CHL1: variants seen among roughly 807,000 people sequenced by gnomAD.
The protein encoded by CHL1 is neural cell adhesion molecule L1-like protein.
A neutral mutation model predicts 141.9 loss-of-function variants in CHL1; 96 were observed. The ratio of observed to expected loss-of-function variants is 0.68; its 90% CI spans 0.57 to 0.80. CHL1 has a LOEUF of 0.80. Ranked by LOEUF, CHL1 falls within the 30% of genes least tolerant of loss-of-function variation. CHL1 has a pLI of 0.00. For missense variants in CHL1, 1,820 were observed against 1,457.2 expected (o/e 1.25, Z -4.05); for synonymous variants, 613 against 502.2 (o/e 1.22, Z -2.95).
chr3:339,767 C>A (rs1033094059), intron 5 of CHL1, among the ~76,000 whole-genome samples: 2 of 152,148 alleles, frequency 1.3e-5, no homozygotes, highest in Non-Finnish European at 2.9e-5. Context: ...CACAAAGCTT[C>A]TCAAGAAGAA....
chr3:249,141 A>G (rs2125129997), intron 2 of CHL1, among the ~76,000 whole-genome samples: 1 of 152,334 alleles, frequency 6.6e-6, no homozygotes, highest in Admixed American at 6.5e-5. Flanking sequence ...CAGATATTTG[A>G]GGTCTTGGAA....
chr3:376,466 G>A (rs1706339315), intron 15 of CHL1: 2 of 505,456 alleles, frequency 4.0e-6, no homozygotes, highest in South Asian at 1.5e-5. Context: ...GACTAGTGAG[G>A]CACCCAACGT....
intron 1 of CHL1, chr3:213,175 A>C (rs1319407059): frequency 6.6e-6 from 1 of 152,202 alleles, no homozygotes; most frequent in Non-Finnish European, 1.5e-5. Context: ...TTCTATTAAC[A>C]CCTACTTGAG....
rs569651302 is a variant in CHL1 at position 337,894 on chromosome 3, G to A, written c.386-2900G>A. On this transcript the variant is annotated intron_variant, in intron 5 of 27. Transcript: ENST00000256509. ...ATCCTTTGGGTATATACCCAGTAAT[G>A]GGATGGCTGGGTCAAATGGTATTTC... Among the ~76,000 whole-genome samples, 8 of 152,304 alleles carry A rather than the reference G, an allele frequency of 5.3e-5. No homozygotes were observed. In the South Asian group the frequency reaches 6.2e-4, roughly 12 times the overall value.
intron 1 of CHL1, among the ~76,000 whole-genome samples, chr3:242,462 G>A (rs1692724168): frequency 6.9e-6 from 1 of 145,766 alleles, no homozygotes; most frequent in Non-Finnish European, 1.5e-5. Flanking sequence ...CCGGCGTGGT[G>A]GTGGGCGCCT....
intron 1 of CHL1, among the ~76,000 whole-genome samples, chr3:219,804 A>G (rs562457270): frequency 6.6e-6 from 1 of 152,342 alleles, no homozygotes; most frequent in Non-Finnish European, 1.5e-5. Flanking sequence ...TTACCTGTGT[A>G]ACAAACTGGC....
At chr3:281,455 G>C (rs2125296875) in intron 2 of CHL1, among the ~76,000 whole-genome samples, 1 of 152,080 alleles carries the variant, frequency 6.6e-6, no homozygotes, top group East Asian at 1.9e-4. Context: ...GACTACCAGA[G>C]CCCAGAAATC....
At chr3:323,938 A>T (rs917468251) in intron 3 of CHL1, among the ~76,000 whole-genome samples, 18 of 152,118 alleles carry the variant, frequency 1.2e-4, no homozygotes, top group African/African-American at 4.1e-4. Context: ...ATAATATTTA[A>T]AGGTTTTCAT....
At chr3:338,975 G>T (rs763398864) in intron 5 of CHL1, among the ~76,000 whole-genome samples, 4 of 152,120 alleles carry the variant, frequency 2.6e-5, no homozygotes, top group African/African-American at 9.7e-5. Flanking sequence ...CTTTACAATA[G>T]ATATTATCCA....
chr3:311,827 AG>A, intron 2 of CHL1, among the ~76,000 whole-genome samples: 1 of 152,232 alleles, frequency 6.6e-6, no homozygotes, highest in Middle Eastern at 3.2e-3. Flanking sequence ...TTTGAAAAAT[AG>A]TCCCTACAGG....
chr3:207,854 A>G (rs1699573080), intron 1 of CHL1, among the ~76,000 whole-genome samples: 1 of 152,190 alleles, frequency 6.6e-6, no homozygotes, highest in South Asian at 2.1e-4. Context: ...TTTGGGCTGA[A>G]TAGATTTTGA....
At chr3:202,122 C>T (rs1307467999) in intron 1 of CHL1, among the ~76,000 whole-genome samples, 2 of 152,154 alleles carry the variant, frequency 1.3e-5, no homozygotes, top group African/African-American at 4.8e-5. Flanking sequence ...TCATGTTGAC[C>T]TCTCTAAGAC....
At chr3:204,856 A>T (rs1462274686) in intron 1 of CHL1, among the ~76,000 whole-genome samples, 1 of 152,096 alleles carries the variant, frequency 6.6e-6, no homozygotes, top group East Asian at 1.9e-4. Flanking sequence ...TTTTTAGAAA[A>T]TTTTTCCATG....
intron 1 of CHL1, among the ~76,000 whole-genome samples, chr3:226,557 C>T (rs962086800): frequency 1.3e-4 from 19 of 151,834 alleles, no homozygotes; most frequent in African/African-American, 4.6e-4. Context: ...TCAATCGATT[C>T]TCCTGCTTCA....
chr3:365,799 T>C (rs1704804441), intron 14 of CHL1, 151 bp from the exon 15 acceptor site: 1 of 561,196 alleles, frequency 1.8e-6, no homozygotes, highest in Non-Finnish European at 3.1e-6. Context: ...AAAATAATAA[T>C]GACATACAAT....
At chr3:221,606 G>A (rs551731212) in intron 1 of CHL1, among the ~76,000 whole-genome samples, 31 of 152,198 alleles carry the variant, frequency 2.0e-4, no homozygotes, top group Admixed American at 1.6e-3. Context: ...AAAGTAGAGG[G>A]AATTCGCATG....
intron 12 of CHL1, among the ~76,000 whole-genome samples, chr3:361,034 T>A (rs2125261228): frequency 6.6e-6 from 1 of 152,186 alleles, no homozygotes; most frequent in South Asian, 2.1e-4. Context: ...CTATTGTGAA[T>A]AATGCCGCAA....
chr3:236,269 A>T (rs1186175005), intron 1 of CHL1, among the ~76,000 whole-genome samples: 1 of 152,242 alleles, frequency 6.6e-6, no homozygotes, highest in Admixed American at 6.5e-5. Flanking sequence ...AGTAAGTGGC[A>T]GAGCTTATTC....
chr3:359,807 C>G (rs1252095195), intron 11 of CHL1, among the ~76,000 whole-genome samples: 2 of 152,090 alleles, frequency 1.3e-5, no homozygotes, highest in Non-Finnish European at 2.9e-5. Context: ...TGGTGCAGAT[C>G]AGAAAACTGT....
Sources: allele counts gnomAD v4.1 joint callset (sites outside exome capture counted in the v4.1 genomes callset), GRCh38; gene constraint gnomAD v4.1.1; transcripts MANE v1.5; gene names NCBI Gene and HGNC (gene_info 2026-07-23, HGNC 2026-07-21).